Variants in SNTG1 observed in about 807,000 individuals in gnomAD.
The protein encoded by SNTG1 is syntrophin gamma 1.
Under a neutral mutation model 74.7 loss-of-function variants are expected in SNTG1, and 39 were observed. The ratio of observed to expected loss-of-function variants is 0.52; its 90% confidence interval spans 0.40 to 0.68. The LOEUF (loss-of-function observed/expected upper bound fraction) is 0.68. Ranked by LOEUF, SNTG1 falls within the 30% of genes least tolerant of loss-of-function variation. The probability of loss-of-function intolerance (pLI) is 0.00; values close to 1 mark genes in which losing one functional copy is unlikely to be tolerated. For synonymous variants in SNTG1, 254 were observed against 217.1 expected (o/e 1.17, Z -1.49); for missense variants, 685 against 609.5 (o/e 1.12, Z -1.30).
chr8:50,257,402 C>T (rs920157177), intron 2 of SNTG1, among the ~76,000 whole-genome samples: 2 of 152,060 alleles, frequency 1.3e-5, no homozygotes, highest in Non-Finnish European at 2.9e-5. Flanking sequence ...TTTCCCTGTC[C>T]CCATGTGTGG....
chr8:50,685,080 G>A (rs896518872), intron 15 of SNTG1, among the ~76,000 whole-genome samples: 25 of 151,858 alleles, frequency 1.6e-4, no homozygotes, highest in Admixed American at 3.9e-4. Context: ...AGTTAGTGAA[G>A]GAAATTAAGC....
intron 11 of SNTG1, among the ~76,000 whole-genome samples, chr8:50,543,002 G>A (rs2094359407): frequency 6.6e-6 from 1 of 152,098 alleles, no homozygotes; most frequent in East Asian, 1.9e-4. Context: ...TGTCAGATGG[G>A]TCATTTGAAA....
intron 2 of SNTG1, among the ~76,000 whole-genome samples, chr8:50,211,048 T>G (rs2084498331): frequency 6.6e-6 from 1 of 152,172 alleles, no homozygotes; most frequent in African/African-American, 2.4e-5. Flanking sequence ...ATCCATGTTG[T>G]TAAACAATAT....
At chr8:50,213,532 G>A (rs990044413) in intron 2 of SNTG1, among the ~76,000 whole-genome samples, 1 of 152,072 alleles carries the variant, frequency 6.6e-6, no homozygotes, top group Non-Finnish European at 1.5e-5. Context: ...TTCAATCACA[G>A]CATTAGAAAA....
At chr8:50,547,156 G>T (rs2094394131) in intron 11 of SNTG1, among the ~76,000 whole-genome samples, 1 of 152,134 alleles carries the variant, frequency 6.6e-6, no homozygotes, top group Non-Finnish European at 1.5e-5. Context: ...AGCTGCCCCT[G>T]CAGTTTCATC....
intron 1 of SNTG1, among the ~76,000 whole-genome samples, chr8:50,157,818 G>T (rs2082298933): frequency 1.3e-5 from 2 of 152,048 alleles, no homozygotes; most frequent in Non-Finnish European, 2.9e-5. Flanking sequence ...TCATAGAAAT[G>T]AAAATAAAGA....
chr8:50,662,136 G>A (rs980525456), intron 15 of SNTG1, among the ~76,000 whole-genome samples: 2 of 152,168 alleles, frequency 1.3e-5, no homozygotes, highest in Non-Finnish European at 2.9e-5. Context: ...CAGAGGGGGA[G>A]TCTTCTACAG....
At chr8:50,539,512 G>A (rs536381354) in intron 11 of SNTG1, among the ~76,000 whole-genome samples, 47 of 152,208 alleles carry the variant, frequency 3.1e-4, no homozygotes, top group Non-Finnish European at 5.6e-4. Context: ...GGAGGTGGAC[G>A]GATAGGTGAG....
chr8:50,117,121 G>A (rs771288769), intron 1 of SNTG1, among the ~76,000 whole-genome samples: 6 of 151,764 alleles, frequency 4.0e-5, no homozygotes, highest in Admixed American at 1.3e-4. Flanking sequence ...AACATATTCC[G>A]TTCTTTCTGC....
At chr8:50,772,273 C>A (rs2095629097) in intron 18 of SNTG1, among the ~76,000 whole-genome samples, 1 of 152,252 alleles carries the variant, frequency 6.6e-6, no homozygotes, top group Non-Finnish European at 1.5e-5. Context: ...GACCTTAGAA[C>A]ACACCCTTCA....
At chr8:50,052,609 C>A (rs1212305792) in intron 1 of SNTG1, among the ~76,000 whole-genome samples, 1 of 152,042 alleles carries the variant, frequency 6.6e-6, no homozygotes, top group African/African-American at 2.4e-5. Flanking sequence ...GTTTTTACCC[C>A]AGTGGACACT....
intron 14 of SNTG1, 149 bp from the exon 15 acceptor site, chr8:50,658,443 T>C (rs377237074): frequency 2.6e-4 from 136 of 514,526 alleles, no homozygotes; most frequent in South Asian, 2.0e-3. Context: ...AAGCATTATG[T>C]AGGGTCCTTT....
chr8:50,579,698 T>C (rs1206770764), intron 12 of SNTG1, among the ~76,000 whole-genome samples: 1 of 152,192 alleles, frequency 6.6e-6, no homozygotes, highest in Non-Finnish European at 1.5e-5. Context: ...TTGCTTCAGA[T>C]GATGCAAGTC....
chr8:50,570,933 A>T (rs551308242), intron 12 of SNTG1, among the ~76,000 whole-genome samples: 2 of 152,052 alleles, frequency 1.3e-5, no homozygotes, highest in Non-Finnish European at 2.9e-5. Flanking sequence ...AAGAACCTCC[A>T]CACAGTTTTC....
intron 1 of SNTG1, among the ~76,000 whole-genome samples, chr8:50,130,567 C>T (rs1472441187): frequency 6.6e-6 from 1 of 152,046 alleles, no homozygotes; most frequent in East Asian, 1.9e-4. Flanking sequence ...TAAAAGAATG[C>T]AAATACCAGC....
intron 2 of SNTG1, among the ~76,000 whole-genome samples, chr8:50,265,494 TA>T (rs980908997): frequency 1.3e-5 from 2 of 152,054 alleles, no homozygotes; most frequent in South Asian, 4.1e-4. Flanking sequence ...AGGGCATCTA[TA>T]AAAAACCTAT....
chr8:50,306,020 T>C (rs2089879652), intron 2 of SNTG1, among the ~76,000 whole-genome samples: 1 of 151,988 alleles, frequency 6.6e-6, no homozygotes. Context: ...TTTTATCCAA[T>C]ATATAATTTT....
chr8:50,467,319 T>A (rs897267156), intron 8 of SNTG1, among the ~76,000 whole-genome samples: 4 of 151,964 alleles, frequency 2.6e-5, no homozygotes, highest in African/African-American at 9.6e-5. Context: ...GTAATGTTAT[T>A]ATTTATTCGT....
At chr8:49,971,137 T>C (rs537173846) in intron 1 of SNTG1, among the ~76,000 whole-genome samples, 2 of 152,088 alleles carry the variant, frequency 1.3e-5, no homozygotes, top group Non-Finnish European at 2.9e-5. Context: ...ACTGGCAAAC[T>C]GAATCCAGCA....
Sources: gnomAD v4.1 joint callset for allele counts (sites outside exome capture counted in the v4.1 genomes callset) on GRCh38, gnomAD v4.1.1 for gene constraint, MANE v1.5 for transcripts, NCBI Gene and HGNC (gene_info 2026-07-23, HGNC 2026-07-21) for gene names.